The following PCDHGA5 variants were observed in gnomAD, a reference collection of about 807,000 sequenced individuals.
PCDHGA5 encodes the protein protocadherin gamma subfamily A, 5, also known as protocadherin gamma-A5.
In PCDHGA5, 36 loss-of-function variants were observed where a neutral mutation model predicts 56.7. That is an observed-to-expected ratio of 0.64 (90% CI 0.49 to 0.84). PCDHGA5 has a LOEUF of 0.84. Among genes scored for constraint, PCDHGA5 ranks in the 40% least tolerant of loss-of-function variants. The probability of loss-of-function intolerance (pLI) is 0.00; values close to 1 mark genes in which losing one functional copy is unlikely to be tolerated. For synonymous variants in PCDHGA5, 563 were observed against 520.2 expected (o/e 1.08, Z -1.12); for missense variants, 1,305 against 1,201.5 (o/e 1.09, Z -1.27).
At chr5:141,407,974 G>A (rs1229330658) in intron 1 of PCDHGA5, 3 of 728,612 alleles carry the variant, frequency 4.1e-6, no homozygotes, top group African/African-American at 1.8e-5. Context: ...CGCTGACGCC[G>A]GGGATCCGTC....
chr5:141,496,984 G>C (rs938752499), intron 2 of PCDHGA5, among the ~76,000 whole-genome samples: 1 of 151,896 alleles, frequency 6.6e-6, no homozygotes, highest in Admixed American at 6.6e-5. Context: ...TCAGGGGTTT[G>C]AGACCAGCCT....
At chr5:141,402,353 GA>G (rs1261209598) in intron 1 of PCDHGA5, among the ~76,000 whole-genome samples, 2 of 151,844 alleles carry the variant, frequency 1.3e-5, no homozygotes, top group Non-Finnish European at 2.9e-5. Context: ...AATTAAAAAT[GA>G]ATGTACTTCC....
intron 1 of PCDHGA5, chr5:141,376,323 G>C: frequency 2.5e-6 from 4 of 1,614,162 alleles, no homozygotes; most frequent in Non-Finnish European, 3.4e-6. Flanking sequence ...GAAGGGGTTC[G>C]GGCTTTCCTG....
chr5:141,449,075 T>C (rs1452456191), intron 1 of PCDHGA5, among the ~76,000 whole-genome samples: 3 of 152,240 alleles, frequency 2.0e-5, no homozygotes, highest in African/African-American at 7.2e-5. Context: ...AATAGCCCTG[T>C]ACCTACATCA....
intron 1 of PCDHGA5, among the ~76,000 whole-genome samples, chr5:141,436,515 G>A (rs1393437693): frequency 6.6e-6 from 1 of 152,160 alleles, no homozygotes; most frequent in Non-Finnish European, 1.5e-5. Context: ...ATTGTTAACT[G>A]TGTCACCTTT....
chr5:141,464,483 C>G (rs192469583), intron 1 of PCDHGA5, among the ~76,000 whole-genome samples: 32 of 151,368 alleles, frequency 2.1e-4, no homozygotes, highest in African/African-American at 7.3e-4. Flanking sequence ...ATAATAAATT[C>G]CTAATAGTGT....
intron 1 of PCDHGA5, chr5:141,371,109 C>T: frequency 6.2e-7 from 1 of 1,613,836 alleles, no homozygotes; most frequent in South Asian, 1.1e-5. Flanking sequence ...AAATGATAAC[C>T]CCCCAGTATT....
At chr5:141,374,864 G>A (rs1342499165) in intron 1 of PCDHGA5, 4 of 1,613,748 alleles carry the variant, frequency 2.5e-6, no homozygotes, top group Non-Finnish European at 3.4e-6. Flanking sequence ...AGGCACACCA[G>A]TGTTGGCAGT....
chr5:141,419,010 G>A (rs2096312778), intron 1 of PCDHGA5: 2 of 1,613,866 alleles, frequency 1.2e-6, no homozygotes, highest in Non-Finnish European at 8.5e-7. Flanking sequence ...GAAGTCAGGT[G>A]TAGCTTAAGT....
At position 141,476,030 on chromosome 5, in the gene PCDHGA5, G is replaced by A; in HGVS notation, c.2422-18777G>A. On this transcript the variant is annotated intron_variant, in intron 1 of 3. Coordinates refer to ENST00000518069, the MANE Select transcript of PCDHGA5 (RefSeq NM_018918.3). This position sits in a 1 kb window ranked among gnomAD's most constrained non-coding sequence, Gnocchi z 7.6. ...AAAGCCATGTCGGACTCGGCGCCCA[G>A]CGCCCAAGCGCTAACCCGCTGAAAG... 2.7e-6 allele frequency: 4 copies of A among 1,459,176 alleles called. No individual in the cohort carries two copies. The highest frequency in any genetic ancestry group is 3.6e-6 in the Non-Finnish European group (4 of 1,096,658). The allele number at this position is 1,459,176 out of a possible 1,614,324, so 90.4% of individuals were successfully genotyped here. A position where few individuals can be genotyped will look rare whatever the true frequency, so the allele number is the denominator to read the frequency against.
intron 1 of PCDHGA5, among the ~76,000 whole-genome samples, chr5:141,434,767 C>T (rs2097715264): frequency 6.6e-6 from 1 of 151,182 alleles, no homozygotes. Flanking sequence ...CCACTTCACA[C>T]TTCTAAAAAA....
chr5:141,485,105 G>A lies in PCDHGA5; in HGVS notation c.2422-9702G>A. On this transcript the variant is annotated intron_variant, in intron 1 of 3. Transcript: ENST00000518069. The surrounding 1 kb of genome is among the most constrained non-coding windows in gnomAD (Gnocchi z 5.7). ...AGGGAGATAGGTGTCTCCAGCTGCT[G>A]TGGCTGTTTGGGGCGGGTCGGCTTC... 8.3e-7 allele frequency: 1 copy of A among 1,205,940 alleles called. No individual in the cohort carries two copies. Among genetic ancestry groups the A allele is most frequent in the Non-Finnish European group, 1.2e-6 (1 of 827,784 alleles). The allele number at this position is 1,205,940 out of a possible 1,614,324, so 74.7% of individuals were successfully genotyped here.
At chr5:141,436,200 T>C (rs1266606536) in intron 1 of PCDHGA5, among the ~76,000 whole-genome samples, 1 of 152,014 alleles carries the variant, frequency 6.6e-6, no homozygotes, top group African/African-American at 2.4e-5. Context: ...AAGAAAGACA[T>C]AATAGGAAAA....
intron 1 of PCDHGA5, chr5:141,418,394 T>C: frequency 6.2e-7 from 1 of 1,614,020 alleles, no homozygotes; most frequent in Non-Finnish European, 8.5e-7. Flanking sequence ...CGAGTATTTC[T>C]CATTGGTGGA....
intron 1 of PCDHGA5, chr5:141,395,178 G>A: frequency 6.2e-7 from 1 of 1,614,142 alleles, no homozygotes; most frequent in East Asian, 2.2e-5. Flanking sequence ...TGAGAAAAAT[G>A]ATTCTTTGTT....
Position 141,365,028 on chromosome 5 carries a change from T to G in PCDHGA5, c.698T>G (p.Leu233Arg). ...ACCACGCACATCCGTGTTACGGTCC[T>G]CGACGCAAACGACAATGCGCCCCTG... ...SGTTHIRVTV[L>R]DANDNAPLFT... The change falls in exon 1 of 4, where the codon CTC (leucine) becomes CGC (arginine). Residue 233 changes from leucine to arginine, a missense_variant. Leu to Arg is a moderately radical substitution (Grantham distance 102). Coordinates refer to ENST00000518069, the MANE Select transcript of PCDHGA5 (RefSeq NM_018918.3). 6.2e-7 allele frequency: 1 copy of G among 1,613,890 alleles called. No homozygotes were observed. The highest frequency in any genetic ancestry group is 8.5e-7 in the Non-Finnish European group (1 of 1,179,894).
Position 141,364,882 on chromosome 5 carries a change from C to T in PCDHGA5, c.552C>T (p.Ser184=), listed in dbSNP as rs199576947. ...TGCACTTCTCTCTGGATGTGGTAAG[C>T]GGAACTGATGGACAAAAGTATCCGG... ...SNLHFSLDVV[S]GTDGQKYPEL... The change falls in exon 1 of 4, where the codon AGC becomes AGT. Residue 184 remains serine, a synonymous_variant. Transcript: ENST00000518069. 1.2e-6 allele frequency: 2 copies of T among 1,613,962 alleles called. No individual in the cohort carries two copies. Among genetic ancestry groups the T allele is most frequent in the African/African-American group, 1.3e-5 (1 of 75,036 alleles).
At position 141,400,119 on chromosome 5, in the gene PCDHGA5, G is replaced by A. The variant is rs543287685; in HGVS notation, c.2421+33368G>A. ...TGCACTTGGTCTTTGCTGACAGCTTGCAGGAGGTGCTGCCGGATATCACTG... is the reference window on the plus strand; with the variant it reads ...TGCACTTGGTCTTTGCTGACAGCTTACAGGAGGTGCTGCCGGATATCACTG... On this transcript the variant is annotated intron_variant, in intron 1 of 3. Transcript: ENST00000518069. 3 of 1,614,076 alleles carry A rather than the reference G, an allele frequency of 1.9e-6. No individual in the cohort carries two copies. The Admixed American group carries it at 5.0e-5, about 27-fold the overall frequency.
intron 1 of PCDHGA5, among the ~76,000 whole-genome samples, chr5:141,459,160 T>C (rs1330588092): frequency 6.6e-6 from 1 of 152,228 alleles, no homozygotes; most frequent in African/African-American, 2.4e-5. Context: ...AGAACATTTC[T>C]ATAACCTTCA....
Sources: allele counts gnomAD v4.1 joint callset (sites outside exome capture counted in the v4.1 genomes callset), GRCh38; gene constraint gnomAD v4.1.1; non-coding constraint Gnocchi (gnomAD v3.1); transcripts MANE v1.5; gene names NCBI Gene and HGNC (gene_info 2026-07-23, HGNC 2026-07-21).